The following MDGA2 variants were observed in gnomAD, a reference collection of about 807,000 sequenced individuals.
MDGA2 encodes the protein MAM domain-containing glycosylphosphatidylinositol anchor protein 2.
Under a neutral mutation model 117.8 loss-of-function variants are expected in MDGA2, and 40 were observed. The ratio of observed to expected loss-of-function variants is 0.34; its 90% CI spans 0.26 to 0.44. The LOEUF is 0.44. Ranked by LOEUF, MDGA2 falls within the 20% of genes least tolerant of loss-of-function variation. The pLI, the probability that MDGA2 is intolerant of heterozygous loss-of-function variation, is 1.00. For missense variants in MDGA2, 1,123 were observed against 1,250.6 expected, an observed-to-expected ratio of 0.90 and a Z score of 1.54; for synonymous variants, 452 against 439.0, an observed-to-expected ratio of 1.03 and a Z score of -0.37.
At chr14:46,883,325 A>G (rs1882538902) in intron 10 of MDGA2, among the ~76,000 whole-genome samples, 1 of 152,100 alleles carries the variant, frequency 6.6e-6, no homozygotes. Context: ...TAACATAGTT[A>G]ACTGGCAAAA....
intron 1 of MDGA2, among the ~76,000 whole-genome samples, chr14:47,489,501 T>A (rs943213603): frequency 6.6e-6 from 1 of 152,032 alleles, no homozygotes; most frequent in Non-Finnish European, 1.5e-5. Context: ...GCTCCCCATT[T>A]ATTTGGGGGA....
intron 5 of MDGA2, among the ~76,000 whole-genome samples, chr14:47,114,695 T>C (rs1881226772): frequency 6.6e-6 from 1 of 152,134 alleles, no homozygotes; most frequent in African/African-American, 2.4e-5. Flanking sequence ...TAATATATAG[T>C]GCTAGGAGAA....
At chr14:47,170,735 T>C (rs1884090148) in intron 3 of MDGA2, among the ~76,000 whole-genome samples, 1 of 152,188 alleles carries the variant, frequency 6.6e-6, no homozygotes, top group Non-Finnish European at 1.5e-5. Flanking sequence ...TAAAACATTC[T>C]AGGAAGTTTC....
intron 16 of MDGA2, among the ~76,000 whole-genome samples, chr14:46,843,507 A>C (rs1880699995): frequency 1.3e-5 from 2 of 152,128 alleles, no homozygotes; most frequent in Non-Finnish European, 2.9e-5. Context: ...TCTTTTGAGT[A>C]TAGCTACTGG....
At chr14:46,858,723 G>A (rs894498171) in intron 14 of MDGA2, among the ~76,000 whole-genome samples, 1 of 152,026 alleles carries the variant, frequency 6.6e-6, no homozygotes, top group African/African-American at 2.4e-5. Flanking sequence ...CACCGTGCCC[G>A]GCCTATAATA....
chr14:47,328,118 C>G (rs1485794245), intron 1 of MDGA2, among the ~76,000 whole-genome samples: 3 of 152,154 alleles, frequency 2.0e-5, no homozygotes, highest in Non-Finnish European at 1.5e-5. Context: ...CTTTCTGAAG[C>G]TTCTTCATGA....
Position 47,191,254 on chromosome 14 carries a change from C to T in MDGA2, c.595+26767G>A, listed in dbSNP as rs185968352. Among the ~76,000 whole-genome samples, 272 of 151,744 alleles carry T rather than the reference C, an allele frequency of 1.8e-3. 3 individuals carry two copies. The highest frequency in any genetic ancestry group is 6.3e-3 in the African/African-American group (263 of 41,444). ...ACAATATGGAGACCCTAGAAACCTA[C>T]CATAATGTTCTTACATATTCTTCTT... is the stretch of plus-strand genomic sequence containing the variant. On this transcript the variant is annotated intron_variant, in intron 3 of 16. Transcript: ENST00000399232.
chr14:47,423,894 C>T (rs1396415841), intron 1 of MDGA2, among the ~76,000 whole-genome samples: 1 of 152,130 alleles, frequency 6.6e-6, no homozygotes, highest in African/African-American at 2.4e-5. Context: ...TCACTGCAAC[C>T]TCTGCCTCCC....
In MDGA2 at chr14:46,918,178, G is replaced by C. The variant is rs562304859; in HGVS notation, c.2238+1834C>G. 4.6e-5 allele frequency among the ~76,000 whole-genome samples: 7 copies of C among 152,156 alleles called. No individual in the cohort carries two copies. In the East Asian group the frequency reaches 9.7e-4, roughly 21 times the overall value. On this transcript the variant is annotated intron_variant, in intron 10 of 16. Coordinates refer to ENST00000399232, the MANE Select transcript of MDGA2 (RefSeq NM_001113498.3). ...AATTATGACTCTATCTTTGCAAATA[G>C]ACCTATAACCAGAAAATAGCACAAT...
intron 16 of MDGA2, among the ~76,000 whole-genome samples, chr14:46,842,285 C>A (rs1301790616): frequency 6.6e-6 from 1 of 152,020 alleles, no homozygotes; most frequent in Non-Finnish European, 1.5e-5. Flanking sequence ...AACATATTCA[C>A]ATAGGTTTGT....
intron 5 of MDGA2, among the ~76,000 whole-genome samples, chr14:47,115,422 C>T (rs2139075382): frequency 6.6e-6 from 1 of 151,984 alleles, no homozygotes; most frequent in South Asian, 2.1e-4. Context: ...AAATTAAGGC[C>T]TTCCCTAAGA....
At chr14:47,132,061 G>T (rs1008354165) in intron 4 of MDGA2, among the ~76,000 whole-genome samples, 6 of 151,862 alleles carry the variant, frequency 4.0e-5, no homozygotes, top group Non-Finnish European at 5.9e-5. Flanking sequence ...GTAATATTAA[G>T]TATGCCTGGA....
intron 1 of MDGA2, among the ~76,000 whole-genome samples, chr14:47,325,840 T>G (rs1890126101): frequency 6.6e-6 from 1 of 152,064 alleles, no homozygotes; most frequent in Non-Finnish European, 1.5e-5. Flanking sequence ...AGAGCCATAG[T>G]TGGTTTTAGA....
intron 3 of MDGA2, among the ~76,000 whole-genome samples, chr14:47,210,959 G>A (rs1467834541): frequency 6.6e-6 from 1 of 151,948 alleles, no homozygotes; most frequent in Non-Finnish European, 1.5e-5. Flanking sequence ...CTGGAGCCTA[G>A]GTAACACAGC....
chr14:46,871,513 G>A (rs527858344), intron 14 of MDGA2: 5 of 152,072 alleles, frequency 3.3e-5, no homozygotes, highest in Admixed American at 2.0e-4. Flanking sequence ...AATGTTGATC[G>A]TGAAAATTAA....
At chr14:47,215,063 A>G (rs1886035792) in intron 3 of MDGA2, among the ~76,000 whole-genome samples, 1 of 152,138 alleles carries the variant, frequency 6.6e-6, no homozygotes, top group Non-Finnish European at 1.5e-5. Context: ...GTTTTTATGC[A>G]TATCCTGCTT....
intron 7 of MDGA2, among the ~76,000 whole-genome samples, chr14:47,050,142 C>T (rs1464084252): frequency 6.6e-6 from 1 of 152,030 alleles, no homozygotes; most frequent in African/African-American, 2.4e-5. Flanking sequence ...ACTGTGTGTT[C>T]TGTGTAAAGA....
At chr14:47,472,425 T>C (rs2138617835) in intron 1 of MDGA2, among the ~76,000 whole-genome samples, 1 of 152,296 alleles carries the variant, frequency 6.6e-6, no homozygotes, top group Non-Finnish European at 1.5e-5. Context: ...CTTCAGGCAA[T>C]TATAACACAA....
intron 14 of MDGA2, among the ~76,000 whole-genome samples, chr14:46,862,059 T>C (rs144864286): frequency 3.9e-5 from 6 of 152,176 alleles, no homozygotes; most frequent in Admixed American, 3.9e-4. Context: ...AGACACTGTG[T>C]TCATGCTTTA....
Sources: gnomAD v4.1 joint callset for allele counts (sites outside exome capture counted in the v4.1 genomes callset) on GRCh38, gnomAD v4.1.1 for gene constraint, MANE v1.5 for transcripts, NCBI Gene and HGNC (gene_info 2026-07-23, HGNC 2026-07-21) for gene names.